ADAMTS12: variants seen among roughly 807,000 people sequenced by gnomAD.
The protein encoded by ADAMTS12 is ADAM metallopeptidase with thrombospondin type 1 motif 12, also known as A disintegrin and metalloproteinase with thrombospondin motifs 12.
ADAMTS12 carries 118 observed loss-of-function variants against 167.8 expected under a neutral mutation model. The ratio of observed to expected loss-of-function variants is 0.70; its 90% CI spans 0.61 to 0.82. The LOEUF is 0.82. ADAMTS12 is among the 40% of genes least tolerant of loss of function. The pLI, the probability that ADAMTS12 is intolerant of heterozygous loss-of-function variation, is 0.00. For missense variants in ADAMTS12, 1,916 were observed against 1,998.8 expected (o/e 0.96, Z 0.79); for synonymous variants, 704 against 716.9 (o/e 0.98, Z 0.29).
At chr5:33,732,236 TA>T (rs1744219439) in intron 3 of ADAMTS12, among the ~76,000 whole-genome samples, 3 of 151,884 alleles carry the variant, frequency 2.0e-5, no homozygotes, top group South Asian at 2.1e-4. Context: ...ATAGAAGTGC[TA>T]AAAAAAATAA....
At chr5:33,614,143 T>C (rs1738867100) in intron 16 of ADAMTS12, 95 bp downstream of exon 16, 4 of 1,476,552 alleles carry the variant, frequency 2.7e-6, no homozygotes, top group Admixed American at 2.0e-5. Context: ...TGCAGATCCA[T>C]GGGCAGAGAG....
chr5:33,541,848 T>G (rs1473750888), intron 22 of ADAMTS12, among the ~76,000 whole-genome samples: 2 of 152,036 alleles, frequency 1.3e-5, no homozygotes, highest in East Asian at 3.9e-4. Context: ...GCACTAAACA[T>G]GGAAAGCAAC....
chr5:33,727,631 C>T (rs772405836), intron 3 of ADAMTS12, among the ~76,000 whole-genome samples: 10 of 152,150 alleles, frequency 6.6e-5, no homozygotes, highest in African/African-American at 1.9e-4. Context: ...CACTGGCCTT[C>T]GTTTAATTCC....
chr5:33,738,604 T>C (rs1436672119), intron 3 of ADAMTS12, among the ~76,000 whole-genome samples: 7 of 152,236 alleles, frequency 4.6e-5, no homozygotes, highest in Non-Finnish European at 2.9e-5. Flanking sequence ...TGTATCAAAA[T>C]TGATCTTCCT....
intron 3 of ADAMTS12, among the ~76,000 whole-genome samples, chr5:33,719,381 G>T (rs1208716394): frequency 6.6e-6 from 1 of 152,172 alleles, no homozygotes; most frequent in Non-Finnish European, 1.5e-5. Context: ...CATACACTCT[G>T]GGTTGGGTGA....
rs950593005 is a variant in ADAMTS12, at chr5:33,546,118, A to T, written c.4387T>A (p.Ser1463Thr). ...GLCDWTKRPT[S>T]TMSCNEHLCC... is the part of the protein sequence containing the mutation. ...AGGTGCTCATTGCAAGACATGGTGG[A>T]TGTGGGTCTTTTTGTCCAATCACAG... is the stretch of plus-strand genomic sequence containing the variant. The change falls in exon 22 of 24, where the codon TCC (serine) becomes ACC (threonine). Residue 1463 changes from serine to threonine, a missense_variant. Coordinates refer to ENST00000504830, the MANE Select transcript of ADAMTS12 (RefSeq NM_030955.4). The T allele has an allele frequency of 2.0e-5, 32 of 1,613,798 alleles. No individual in the cohort carries two copies. Among genetic ancestry groups the T allele is most frequent in the Non-Finnish European group, 2.7e-5 (32 of 1,179,976 alleles).
intron 13 of ADAMTS12, among the ~76,000 whole-genome samples, chr5:33,627,016 G>GT (rs1334652758): frequency 3.4e-5 from 5 of 148,498 alleles, no homozygotes; most frequent in South Asian, 2.2e-4. Context: ...TGATGCAGTA[G>GT]GGTAGTGGTG....
At chr5:33,578,843 T>C (rs1018365809) in intron 18 of ADAMTS12, among the ~76,000 whole-genome samples, 1 of 152,226 alleles carries the variant, frequency 6.6e-6, no homozygotes, top group Non-Finnish European at 1.5e-5. Context: ...AGTGTCGAAC[T>C]GTGTTTGGAC....
chr5:33,546,191 G>A lies in ADAMTS12; in HGVS notation c.4314C>T (p.Ser1438=), dbSNP rs1321854455. The A allele has an allele frequency of 6.2e-7, 1 of 1,612,666 alleles. No homozygotes were observed. Among genetic ancestry groups the A allele is most frequent in the South Asian group, 1.1e-5 (1 of 90,662 alleles). The change falls in exon 22 of 24, where the codon TCC becomes TCT. Residue 1438 remains serine (S), a synonymous_variant. Transcript: ENST00000504830. ...QVEPWSQCSR[S]CGGGVQERGV... is the part of the protein sequence containing the mutation. ...CTCTCTCCTGAACTCCACCTCCACA[G>A]GACCTGGAGCACTGATACACAGCAG...
In ADAMTS12 at chr5:33,534,988, G is replaced by A. The variant is rs755821665; in HGVS notation, c.4451C>T (p.Ser1484Phe). 3 of 1,603,356 alleles carry A rather than the reference G, an allele frequency of 1.9e-6. No homozygotes were observed. Among genetic ancestry groups the A allele is most frequent in the Non-Finnish European group, 2.5e-6 (3 of 1,176,896 alleles). The change falls in exon 23 of 24, where the codon TCC becomes TTC. Residue 1484 changes from serine to phenylalanine, a missense_variant. Transcript: ENST00000504830. ...CTGAAAGCCACCTCCACAGGAAGTGGAACACTGAAAGAGAAGGTGAACAGA... is the reference window on the plus strand; with the variant it reads ...CTGAAAGCCACCTCCACAGGAAGTGAAACACTGAAAGAGAAGGTGAACAGA... Reference protein sequence around the residue: ...HWATGNWDLCSTSCGGGFQKR... With the variant: ...HWATGNWDLCFTSCGGGFQKR...
chr5:33,716,015 A>C (rs1743600145), intron 3 of ADAMTS12, among the ~76,000 whole-genome samples: 1 of 152,158 alleles, frequency 6.6e-6, no homozygotes, highest in South Asian at 2.1e-4. Flanking sequence ...TATACTACAA[A>C]TAATTTTTGT....
intron 2 of ADAMTS12, among the ~76,000 whole-genome samples, chr5:33,819,133 T>C (rs1747778857): frequency 6.6e-6 from 1 of 152,160 alleles, no homozygotes; most frequent in African/African-American, 2.4e-5. Flanking sequence ...CCTGAGCTTT[T>C]GGTGTGATAT....
In ADAMTS12 at chr5:33,585,372, G is replaced by A. The variant is rs540729827; in HGVS notation, c.2865+3227C>T. Among the ~76,000 whole-genome samples the A allele has an allele frequency of 3.9e-4, 59 of 152,264 alleles. No homozygotes were observed. The Middle Eastern group carries it at 0.01, about 26-fold the overall frequency. ...TTATCATGTTGCTCTCTGCTCCCACGTGTGGCTACAACTTCTAGTTCACCA... is the reference window on the plus strand; with the variant it reads ...TTATCATGTTGCTCTCTGCTCCCACATGTGGCTACAACTTCTAGTTCACCA... On this transcript the variant is annotated intron_variant, in intron 18 of 23. Coordinates refer to ENST00000504830, the MANE Select transcript of ADAMTS12 (RefSeq NM_030955.4).
intron 3 of ADAMTS12, among the ~76,000 whole-genome samples, chr5:33,714,346 T>C (rs895681046): frequency 5.9e-5 from 9 of 152,186 alleles, no homozygotes; most frequent in East Asian, 5.8e-4. Context: ...CAAAATGTAA[T>C]GCAAATGCAA....
At position 33,576,988 on chromosome 5, in the gene ADAMTS12, C is replaced by T; in HGVS notation, c.3038G>A (p.Gly1013Glu). Residue 1013 changes from glycine to glutamate, a missense_variant, in exon 19 of 24, where the codon GGA becomes GAA. Gly to Glu is a moderately conservative substitution (Grantham distance 98). Coordinates refer to ENST00000504830, the MANE Select transcript of ADAMTS12 (RefSeq NM_030955.4). The stretch of plus-strand genomic sequence containing the variant: ...GGGCTTTAGTGTTGGTGGGTTTTTT[C>T]CATTGGAAATAGTGCCTTTGTTTGG... ...LKPNKGTISN[G>E]KNPPTLKPVP... The T allele has an allele frequency of 6.2e-7, 1 of 1,614,140 alleles. No homozygotes were observed. Among genetic ancestry groups the T allele is most frequent in the Non-Finnish European group, 8.5e-7 (1 of 1,180,024 alleles).
In ADAMTS12 at chr5:33,524,577, C is replaced by A. The variant is rs921931373; in HGVS notation, c.*2611G>T. The A allele has an allele frequency of 2.6e-5, 4 of 152,194 alleles. No individual in the cohort carries two copies. The highest frequency in any genetic ancestry group is 4.4e-5 in the Non-Finnish European group (3 of 68,052). The allele number at this position is 152,194 out of a possible 1,614,324, so 9.4% of individuals were successfully genotyped here. A position where few individuals can be genotyped will look rare whatever the true frequency, so the allele number is the denominator to read the frequency against. On this transcript the variant is annotated 3_prime_UTR_variant, in exon 24 of 24. Coordinates refer to ENST00000504830, the MANE Select transcript of ADAMTS12 (RefSeq NM_030955.4). The stretch of plus-strand genomic sequence containing the variant: ...ACCCAAGTATCAAAGATGTAAGATA[C>A]CATGCAGGTTCCTGTCTTCAGAGTC...
chr5:33,582,836 T>C (rs1176789505), intron 18 of ADAMTS12, among the ~76,000 whole-genome samples: 1 of 152,236 alleles, frequency 6.6e-6, no homozygotes, highest in Admixed American at 6.5e-5. Context: ...TTTTTTTCCA[T>C]TCCAGTTTTA....
At chr5:33,599,434 C>T (rs1297107499) in intron 16 of ADAMTS12, among the ~76,000 whole-genome samples, 1 of 152,158 alleles carries the variant, frequency 6.6e-6, no homozygotes, top group Non-Finnish European at 1.5e-5. Flanking sequence ...ATCCACTGTG[C>T]CCCCTTCTCT....
At chr5:33,678,962 A>G (rs1742015128) in intron 5 of ADAMTS12, among the ~76,000 whole-genome samples, 1 of 152,232 alleles carries the variant, frequency 6.6e-6, no homozygotes, top group African/African-American at 2.4e-5. Context: ...CAGACTTGAC[A>G]TGGGAGGGAG....
Sources: allele counts gnomAD v4.1 joint callset (sites outside exome capture counted in the v4.1 genomes callset), GRCh38; gene constraint gnomAD v4.1.1; transcripts MANE v1.5; gene names NCBI Gene and HGNC (gene_info 2026-07-23, HGNC 2026-07-21).